The following NPHP4 variants were observed in gnomAD, a reference collection of about 807,000 sequenced individuals.
The protein encoded by NPHP4 is nephrocystin 4.
NPHP4 carries 151 observed loss-of-function variants against 155.8 expected under a neutral mutation model. The observed-to-expected ratio is 0.97, with a 90% CI of 0.85 to 1.11. The LOEUF (loss-of-function observed/expected upper bound fraction) is 1.11. NPHP4 is among the 50% of genes least tolerant of loss of function. The pLI, the probability that NPHP4 is intolerant of heterozygous loss-of-function variation, is 0.00. For missense variants in NPHP4, 1,956 were observed against 1,925.7 expected (o/e 1.02, Z -0.29); for synonymous variants, 845 against 816.8 (o/e 1.03, Z -0.59).
chr1:5,896,378 T>C (rs1570309986), intron 16 of NPHP4, among the ~76,000 whole-genome samples: 1 of 152,364 alleles, frequency 6.6e-6, no homozygotes, highest in East Asian at 1.9e-4. Flanking sequence ...TGAGGGCTTT[T>C]GGTCACACTA....
rs1349098317 is a variant in NPHP4 at position 5,867,022 on chromosome 1, C to A, written c.3558+8G>T. On this transcript the variant is annotated splice_region_variant and intron_variant, in intron 25 of 29. Coordinates refer to ENST00000378156, the MANE Select transcript of NPHP4 (RefSeq NM_015102.5). This position sits in a 1 kb window ranked among gnomAD's most constrained non-coding sequence, Gnocchi z 4.1. Reference sequence around the variant, plus strand: ...ATCTGCCTGAGCTGGGGCCACAACACAACCTACCACATTCTGGGTCTCACA... The same window carrying A: ...ATCTGCCTGAGCTGGGGCCACAACAAAACCTACCACATTCTGGGTCTCACA... 1.2e-6 allele frequency: 2 copies of A among 1,611,050 alleles called. No individual in the cohort carries two copies. The highest frequency in any genetic ancestry group is 3.3e-5 in the Admixed American group (2 of 59,836).
In NPHP4 at chr1:5,909,200, T is replaced by A. The variant is rs369748651; in HGVS notation, c.1455A>T (p.Pro485=). The A allele has an allele frequency of 3.7e-6, 6 of 1,603,292 alleles. No individual in the cohort carries two copies. The African/African-American group carries it at 6.7e-5, about 18-fold the overall frequency. The part of the protein sequence containing the change: ...PPTSPSSPPA[P]VPRVLAAPQN... The stretch of plus-strand genomic sequence containing the variant: ...GCGGGGCAGCGAGAACTCGAGGTAC[T>A]GGCGCTGGCGGGCCTGGGAGGAAGC... The change falls in exon 12 of 30, where the codon CCA becomes CCT. Residue 485 remains proline (P), a synonymous_variant. Transcript: ENST00000378156.
chr1:5,932,862 C>A (rs113575374), intron 10 of NPHP4, among the ~76,000 whole-genome samples: 2 of 152,224 alleles, frequency 1.3e-5, no homozygotes, highest in Non-Finnish European at 2.9e-5. Context: ...CAAACGTGCA[C>A]GCCACACAGG....
intron 18 of NPHP4, among the ~76,000 whole-genome samples, chr1:5,885,718 G>A (rs1048248521): frequency 6.6e-5 from 10 of 152,248 alleles, no homozygotes; most frequent in Non-Finnish European, 1.2e-4. Flanking sequence ...TGTCCCGTGC[G>A]GTAACCCTGC....
At chr1:5,985,339 C>T (rs1006863575) in intron 2 of NPHP4, among the ~76,000 whole-genome samples, 2 of 152,244 alleles carry the variant, frequency 1.3e-5, no homozygotes, top group Non-Finnish European at 2.9e-5. Flanking sequence ...GTGGGTGTCC[C>T]GTGGGCAGCA....
At chr1:5,990,568 G>A (rs147147783) in intron 1 of NPHP4, among the ~76,000 whole-genome samples, 18 of 152,120 alleles carry the variant, frequency 1.2e-4, no homozygotes, top group African/African-American at 4.1e-4. Context: ...CATCATTATC[G>A]CCATCTTACA....
chr1:5,933,786 C>T (rs1646398968), intron 9 of NPHP4, among the ~76,000 whole-genome samples: 3 of 152,232 alleles, frequency 2.0e-5, no homozygotes, highest in Non-Finnish European at 4.4e-5. Context: ...GAAGAATGCA[C>T]ATGTATATTC....
At chr1:5,869,582 C>T (rs564685763) in intron 23 of NPHP4, among the ~76,000 whole-genome samples, 2 of 152,220 alleles carry the variant, frequency 1.3e-5, no homozygotes, top group South Asian at 2.1e-4. Context: ...TGTAATTATC[C>T]AGAGAAGAAT....
chr1:5,979,549 GTTT>G (rs139746288), intron 2 of NPHP4, among the ~76,000 whole-genome samples: 2,251 of 152,232 alleles, frequency 0.015, 55 homozygotes, highest in African/African-American at 0.052. Context: ...TTTTGTTTTT[GTTT>G]TTAAGAAAAG....
At chr1:5,908,700 C>T (rs1328892406) in intron 12 of NPHP4, among the ~76,000 whole-genome samples, 1 of 152,246 alleles carries the variant, frequency 6.6e-6, no homozygotes. Flanking sequence ...TTGTGGTTCT[C>T]AGCAGTGCCA....
chr1:5,943,035 T>TCAA (rs1557792714), intron 9 of NPHP4, among the ~76,000 whole-genome samples: 1 of 152,168 alleles, frequency 6.6e-6, no homozygotes, highest in Non-Finnish European at 1.5e-5. Flanking sequence ...AGCCCACACT[T>TCAA]GCATGCATAA....
intron 18 of NPHP4, among the ~76,000 whole-genome samples, chr1:5,884,150 T>C (rs1482028735): frequency 3.3e-5 from 5 of 152,154 alleles, no homozygotes; most frequent in Non-Finnish European, 7.4e-5. Context: ...TTTCTTCACC[T>C]TCCATGAAAC....
chr1:5,863,690 C>A (rs1308752395), intron 29 of NPHP4, 200 bp downstream of exon 29: 5 of 644,548 alleles, frequency 7.8e-6, no homozygotes, highest in Non-Finnish European at 1.4e-5. Flanking sequence ...CTTTCCCACA[C>A]TCAGGAGAAA....
chr1:5,868,540 G>A lies in NPHP4; in HGVS notation c.3316-644C>T, dbSNP rs141023734. On this transcript the variant is annotated intron_variant, in intron 23 of 29. Transcript: ENST00000378156. Reference sequence around the variant, plus strand: ...CTCACACACACGCACCCACACACACGCATGCACTCATGCACCCACACATGC... The same window carrying A: ...CTCACACACACGCACCCACACACACACATGCACTCATGCACCCACACATGC... 3.0e-3 allele frequency among the ~76,000 whole-genome samples: 375 copies of A among 124,408 alleles called. 1 individual carries two copies. Among genetic ancestry groups the A allele is most frequent in the Middle Eastern group, 5.9e-3 (1 of 170 alleles). The allele number at this position is 124,408 out of a possible 152,430, so 81.6% of individuals were successfully genotyped here.
At chr1:5,959,259 G>A (rs12076826) in intron 6 of NPHP4, among the ~76,000 whole-genome samples, 7,984 of 152,224 alleles carry the variant, frequency 0.052, 687 homozygotes, top group African/African-American at 0.18. Flanking sequence ...GCCAGCATTC[G>A]TTTGGCACCT....
chr1:5,933,302 G>C lies in NPHP4; in HGVS notation c.1147C>G (p.Leu383Val), dbSNP rs760606576. The C allele has an allele frequency of 1.2e-5, 19 of 1,613,226 alleles. No homozygotes were observed. Among genetic ancestry groups the C allele is most frequent in the Admixed American group, 6.7e-5 (4 of 60,000 alleles). ...CAGCGGACCATGTGCATGCATGCCA[G>C]GTTGGACAGAGAGGTGACCGAAGCT... ...NAASVTSLSNLACMHMVRWAV... is the reference protein window; with the variant it reads ...NAASVTSLSNVACMHMVRWAV... Residue 383 changes from leucine to valine, a missense_variant, in exon 10 of 30, where the codon CTG becomes GTG. By Grantham distance (32) the Leu-to-Val change is conservative. Coordinates refer to ENST00000378156, the MANE Select transcript of NPHP4 (RefSeq NM_015102.5).
chr1:5,873,529 G>T, intron 22 of NPHP4, 194 bp from the exon 23 acceptor site: 1 of 612,128 alleles, frequency 1.6e-6, no homozygotes, highest in Non-Finnish European at 2.9e-6. Flanking sequence ...AAAGGGAACA[G>T]CAGATCCCAG....
intron 1 of NPHP4, among the ~76,000 whole-genome samples, chr1:5,991,835 G>A (rs1022561004): frequency 6.6e-6 from 1 of 151,496 alleles, no homozygotes; most frequent in Non-Finnish European, 1.5e-5. Flanking sequence ...TCCGGCCTGG[G>A]AAGGATGCGC....
At chr1:5,924,812 G>A (rs558268394) in intron 11 of NPHP4, among the ~76,000 whole-genome samples, 9 of 152,142 alleles carry the variant, frequency 5.9e-5, no homozygotes, top group Non-Finnish European at 7.4e-5. Context: ...ACACCACCGC[G>A]CATAGCTAAT....
Sources: gnomAD v4.1 joint callset for allele counts (sites outside exome capture counted in the v4.1 genomes callset) on GRCh38, gnomAD v4.1.1 for gene constraint, Gnocchi (gnomAD v3.1) non-coding constraint, MANE v1.5 for transcripts, NCBI Gene and HGNC (gene_info 2026-07-23, HGNC 2026-07-21) for gene names.